Variants in SHLD1 observed in about 807,000 individuals in gnomAD.
The protein encoded by SHLD1 is RINN1-REV7-interacting novel NHEJ regulator 3.
In SHLD1, 3 loss-of-function variants were observed where a neutral mutation model predicts 5.5. The ratio of observed to expected loss-of-function variants is 0.54; its 90% CI spans 0.25 to 1.40. The LOEUF (loss-of-function observed/expected upper bound fraction) is 1.40, where lower values mean the gene tolerates loss of function less well. Among genes scored for constraint, SHLD1 ranks in the 40% most tolerant of loss-of-function variants. The pLI is 0.15. For synonymous variants in SHLD1, 92 were observed against 94.3 expected (o/e 0.98, Z 0.14); for missense variants, 210 against 244.4 (o/e 0.86, Z 0.94).
chr20:5,756,347 T>C (rs1211488594), intron 1 of SHLD1, among the ~76,000 whole-genome samples: 2 of 152,138 alleles, frequency 1.3e-5, no homozygotes, highest in African/African-American at 2.4e-5. Flanking sequence ...ATCAAAGATA[T>C]TTCTATTTGG....
intron 2 of SHLD1, among the ~76,000 whole-genome samples, chr20:5,800,738 T>C (rs561886318): frequency 6.6e-6 from 1 of 152,236 alleles, no homozygotes; most frequent in African/African-American, 2.4e-5. Flanking sequence ...AGGTGACTTG[T>C]AGGGCACACC....
rs1294250527 is a variant in SHLD1, at chr20:5,750,497, T to TGGGC, written c.-5+21_-5+22insCGGG. The TGGGC allele has an allele frequency of 8.4e-5, 3 of 35,818 alleles. No homozygotes were observed. The highest frequency in any genetic ancestry group is 1.7e-4 in the African/African-American group (2 of 12,052). 2.2% of individuals were successfully genotyped at this position (35,818 alleles called of 1,614,324 possible). On this transcript the variant is annotated intron_variant, in intron 1 of 2. Coordinates refer to ENST00000303142, the MANE Select transcript of SHLD1 (RefSeq NM_152504.4). ...GAGGAGAGGTAAGCGCGGGATGGGA[T>TGGGC]GGGGGGGGGTTGGAGTGGTGGGGGC...
intron 2 of SHLD1, among the ~76,000 whole-genome samples, chr20:5,796,961 A>C (rs375627783): frequency 2.6e-5 from 4 of 152,280 alleles, no homozygotes; most frequent in African/African-American, 9.6e-5. Context: ...AGGCATGAGA[A>C]GCTGAAGTTG....
intron 2 of SHLD1, among the ~76,000 whole-genome samples, chr20:5,801,223 G>A (rs777895885): frequency 2.6e-5 from 4 of 152,002 alleles, no homozygotes; most frequent in African/African-American, 4.8e-5. Flanking sequence ...GATTACAGGC[G>A]TGTGCCACCA....
intron 2 of SHLD1, among the ~76,000 whole-genome samples, chr20:5,844,785 A>ATTTTTTTTTTTTTT (rs1451016272): frequency 9.8e-6 from 1 of 102,406 alleles, no homozygotes. Context: ...ATATATATAT[A>ATTTTTTTTTTTTTT]TATATATATA....
intron 2 of SHLD1, among the ~76,000 whole-genome samples, chr20:5,810,887 CAAAAA>C (rs10627373): frequency 8.3e-6 from 1 of 120,880 alleles, no homozygotes; most frequent in African/African-American, 3.2e-5. Flanking sequence ...GACTCTGTCT[CAAAAA>C]AAAAAAAAAA....
chr20:5,846,711 C>T lies in SHLD1; in HGVS notation c.179-16313C>T, dbSNP rs556096913. Among the ~76,000 whole-genome samples, 4 of 152,322 alleles carry T rather than the reference C, an allele frequency of 2.6e-5. 1 individual carries two copies. Among genetic ancestry groups the T allele is most frequent in the African/African-American group, 9.6e-5 (4 of 41,574 alleles). Reference sequence around the variant, plus strand: ...AGCTTTGCCTCCTGAGAGCTGTTCCCCACACGTGGACGGGATCGGGGGAAC... The same window carrying T: ...AGCTTTGCCTCCTGAGAGCTGTTCCTCACACGTGGACGGGATCGGGGGAAC... On this transcript the variant is annotated intron_variant, in intron 2 of 2. Transcript: ENST00000303142.
At chr20:5,760,432 C>T (rs1055765917) in intron 1 of SHLD1, among the ~76,000 whole-genome samples, 2 of 152,162 alleles carry the variant, frequency 1.3e-5, no homozygotes, top group Admixed American at 1.3e-4. Context: ...GTGGCTTACA[C>T]CTGTAATCCC....
At chr20:5,859,866 T>C (rs1056646092) in intron 2 of SHLD1, among the ~76,000 whole-genome samples, 1 of 152,254 alleles carries the variant, frequency 6.6e-6, no homozygotes, top group South Asian at 2.1e-4. Context: ...AGCTAGCTTT[T>C]AGCCTCTTTT....
intron 2 of SHLD1, among the ~76,000 whole-genome samples, chr20:5,846,003 G>A (rs1486491193): frequency 6.6e-6 from 1 of 152,144 alleles, no homozygotes; most frequent in Non-Finnish European, 1.5e-5. Context: ...ACTTGATATG[G>A]AATGAAATCT....
chr20:5,817,242 T>A (rs982645519), intron 2 of SHLD1, among the ~76,000 whole-genome samples: 1 of 152,186 alleles, frequency 6.6e-6, no homozygotes, highest in Non-Finnish European at 1.5e-5. Context: ...CTAGTAATTA[T>A]GAGATGCTGG....
intron 2 of SHLD1, among the ~76,000 whole-genome samples, chr20:5,796,808 A>G (rs402118): frequency 0.058 from 8,810 of 150,988 alleles, 885 homozygotes; most frequent in African/African-American, 0.2. Flanking sequence ...CAGCCTGGAC[A>G]ACAGGACAAG....
chr20:5,833,669 C>T (rs886324534), intron 2 of SHLD1, among the ~76,000 whole-genome samples: 2 of 150,810 alleles, frequency 1.3e-5, no homozygotes, highest in African/African-American at 4.9e-5. Flanking sequence ...GAGACAGAGA[C>T]AGGGAGAGAC....
intron 2 of SHLD1, among the ~76,000 whole-genome samples, chr20:5,843,078 A>G (rs1336846464): frequency 6.6e-6 from 1 of 152,152 alleles, no homozygotes; most frequent in Admixed American, 6.5e-5. Context: ...TTTTGAGCTC[A>G]TGTTCAATGG....
At chr20:5,823,852 C>G (rs2087635767) in intron 2 of SHLD1, among the ~76,000 whole-genome samples, 1 of 152,172 alleles carries the variant, frequency 6.6e-6, no homozygotes, top group African/African-American at 2.4e-5. Flanking sequence ...TGCATCTGTC[C>G]CCATAGGCCA....
In SHLD1 at chr20:5,819,338, T is replaced by A. The variant is rs575734050; in HGVS notation, c.179-43686T>A. ...TTGTTACGTAAAAGTTGAACCAGAT[T>A]GATCTGGTGTGACCACACTCTTACC... On this transcript the variant is annotated intron_variant, in intron 2 of 2. Transcript: ENST00000303142. Among the ~76,000 whole-genome samples, 44 of 152,316 alleles carry A rather than the reference T, an allele frequency of 2.9e-4. No individual in the cohort carries two copies. In the South Asian group the frequency reaches 8.5e-3, roughly 29 times the overall value.
rs956613698 is a variant in SHLD1 at position 5,848,580 on chromosome 20, T to A, written c.179-14444T>A. On this transcript the variant is annotated intron_variant, in intron 2 of 2. Coordinates refer to ENST00000303142, the MANE Select transcript of SHLD1 (RefSeq NM_152504.4). Reference sequence around the variant, plus strand: ...GAAACAGTCAGCTTTAAGTGTTTCATAAGAAGAAAGTTTTGAAGCAAATAG... The same window carrying A: ...GAAACAGTCAGCTTTAAGTGTTTCAAAAGAAGAAAGTTTTGAAGCAAATAG... Among the ~76,000 whole-genome samples the A allele has an allele frequency of 3.3e-4, 50 of 152,232 alleles. 1 individual carries two copies. Among genetic ancestry groups the A allele is most frequent in the Admixed American group, 2.4e-3 (36 of 15,280 alleles).
intron 2 of SHLD1, among the ~76,000 whole-genome samples, chr20:5,845,283 A>T (rs1273777289): frequency 2.0e-5 from 3 of 152,202 alleles, no homozygotes; most frequent in Non-Finnish European, 4.4e-5. Context: ...TAAATCATTT[A>T]ATCCTTACAA....
intron 2 of SHLD1, among the ~76,000 whole-genome samples, chr20:5,776,975 T>A (rs1292385204): frequency 6.6e-6 from 1 of 151,936 alleles, no homozygotes; most frequent in Non-Finnish European, 1.5e-5. Flanking sequence ...GCTAAATATT[T>A]CACAAACATC....
Sources: allele counts gnomAD v4.1 joint callset (sites outside exome capture counted in the v4.1 genomes callset), GRCh38; gene constraint gnomAD v4.1.1; transcripts MANE v1.5; gene names NCBI Gene and HGNC (gene_info 2026-07-23, HGNC 2026-07-21).